CEP128: variants seen among roughly 807,000 people sequenced by gnomAD.
CEP128 encodes the protein centrosomal protein 128kDa.
A neutral mutation model predicts 156.7 loss-of-function variants in CEP128; 132 were observed. That is an observed-to-expected ratio of 0.84 (90% CI 0.73 to 0.97). The LOEUF is 0.97. Among genes scored for constraint, CEP128 ranks in the 50% least tolerant of loss-of-function variants. The probability of loss-of-function intolerance (pLI) is 0.00; values close to 1 mark genes in which losing one functional copy is unlikely to be tolerated. For synonymous variants in CEP128, 469 were observed against 448.9 expected, an observed-to-expected ratio of 1.04 and a Z score of -0.57; for missense variants, 1,252 against 1,281.9, an observed-to-expected ratio of 0.98 and a Z score of 0.36.
At position 80,809,326 on chromosome 14, in the gene CEP128, T is replaced by TG. The variant is rs762431576; in HGVS notation, c.1210-16217_1210-16216insC. 2.8e-4 allele frequency among the ~76,000 whole-genome samples: 43 copies of TG among 151,654 alleles called. 1 individual carries two copies. The highest frequency in any genetic ancestry group is 3.4e-3 in the Middle Eastern group (1 of 294). ...CCTTTAAAATGATTCAATCAGAATT[T>TG]TAAAAAAAAAGAAGAAACAGAGCAG... On this transcript the variant is annotated intron_variant, in intron 13 of 24. Transcript: ENST00000555265.
chr14:80,914,664 G>T (rs1433128376), intron 3 of CEP128, among the ~76,000 whole-genome samples: 1 of 152,082 alleles, frequency 6.6e-6, no homozygotes, highest in Non-Finnish European at 1.5e-5. Context: ...TCCCTAGTAA[G>T]TCAGCAACAA....
At chr14:80,564,936 G>A (rs947594040) in intron 20 of CEP128, among the ~76,000 whole-genome samples, 2 of 152,110 alleles carry the variant, frequency 1.3e-5, no homozygotes. Context: ...GCAGGCACCT[G>A]TAATCCCAGC....
chr14:80,857,455 G>A (rs2077532), intron 9 of CEP128, among the ~76,000 whole-genome samples: 15,475 of 151,804 alleles, frequency 0.1, 1,262 homozygotes, highest in East Asian at 0.44. Context: ...AATTTAGGTC[G>A]GGCGTGGTGG....
At chr14:80,806,685 T>TACA in intron 13 of CEP128, among the ~76,000 whole-genome samples, 1 of 152,320 alleles carries the variant, frequency 6.6e-6, no homozygotes, top group Middle Eastern at 3.4e-3. Flanking sequence ...AACTTGGTTA[T>TACA]ACATTTGCTA....
chr14:80,661,403 C>A (rs1431871469), intron 19 of CEP128, among the ~76,000 whole-genome samples: 1 of 152,144 alleles, frequency 6.6e-6, no homozygotes, highest in East Asian at 1.9e-4. Flanking sequence ...GAGGTCCTGG[C>A]AACCACAGTG....
chr14:80,911,995 G>A (rs1326803200), intron 4 of CEP128, among the ~76,000 whole-genome samples: 1 of 152,168 alleles, frequency 6.6e-6, no homozygotes, highest in Non-Finnish European at 1.5e-5. Context: ...AAGGCAGGCG[G>A]ATCACAAGGT....
rs767631036 is a variant in CEP128, at chr14:80,838,254, G to A, written c.874C>T (p.Arg292Ter). The A allele has an allele frequency of 6.2e-6, 10 of 1,613,038 alleles. No individual in the cohort carries two copies. The highest frequency in any genetic ancestry group is 1.7e-5 in the Admixed American group (1 of 59,958). ...CCTTCTGATTGATTCAATAACCTTC[G>A]AGATAGCTCCAATTCCTGTTCAAGC... ...NQLEQELELS[R>*]RLLNQSEGSR... Residue 292 changes from arginine (R) to a stop codon, truncating the protein, a stop_gained, in exon 11 of 25, where the codon CGA becomes TGA. Coordinates refer to ENST00000555265, the MANE Select transcript of CEP128 (RefSeq NM_152446.5). LOFTEE classifies it high-confidence loss of function.
intron 19 of CEP128, among the ~76,000 whole-genome samples, chr14:80,713,961 C>T (rs1897507775): frequency 6.6e-6 from 1 of 152,052 alleles, no homozygotes; most frequent in Non-Finnish European, 1.5e-5. Context: ...TTTTATTTTT[C>T]AGTATCTAGT....
chr14:80,562,400 G>T (rs1384092522), intron 20 of CEP128, among the ~76,000 whole-genome samples: 1 of 152,088 alleles, frequency 6.6e-6, no homozygotes, highest in South Asian at 2.1e-4. Flanking sequence ...AGCCATTGTA[G>T]TCAATTACTG....
intron 18 of CEP128, among the ~76,000 whole-genome samples, chr14:80,751,631 CTTT>C (rs550491859): frequency 2.2e-5 from 3 of 138,668 alleles, no homozygotes; most frequent in Admixed American, 1.4e-4. Flanking sequence ...GTAAATATGT[CTTT>C]TTTTTTTTTT....
At chr14:80,938,140 C>A (rs1040405698) in intron 2 of CEP128, among the ~76,000 whole-genome samples, 2 of 152,114 alleles carry the variant, frequency 1.3e-5, no homozygotes, top group African/African-American at 4.8e-5. Flanking sequence ...TCAAGCGATC[C>A]TCCTGCCTTG....
At chr14:80,761,732 C>A in intron 16 of CEP128, 119 bp from the exon 17 acceptor site, 1 of 618,914 alleles carries the variant, frequency 1.6e-6, no homozygotes, top group Non-Finnish European at 2.6e-6. Flanking sequence ...TTCCATCAGT[C>A]CCCTTACTTT....
chr14:80,507,703 G>C lies in CEP128; in HGVS notation c.3073-2683C>G, dbSNP rs578195779. On this transcript the variant is annotated intron_variant, in intron 23 of 24. Transcript: ENST00000555265. ...AACTGAGACAGACAGTGAGAGGACA[G>C]GAGTAGAGACACAGGTTTGAGTATC... Among the ~76,000 whole-genome samples, 28 of 152,332 alleles carry C rather than the reference G, an allele frequency of 1.8e-4. No individual in the cohort carries two copies. The South Asian group carries it at 5.4e-3, about 29-fold the overall frequency.
At chr14:80,520,989 A>ATTTT (rs533538115) in intron 23 of CEP128, among the ~76,000 whole-genome samples, 11 of 114,602 alleles carry the variant, frequency 9.6e-5, no homozygotes, top group African/African-American at 3.7e-4. Flanking sequence ...CGCCCAGCTA[A>ATTTT]TTTTTTTTTT....
chr14:80,858,042 C>T (rs1887292768), intron 9 of CEP128, among the ~76,000 whole-genome samples: 1 of 152,162 alleles, frequency 6.6e-6, no homozygotes, highest in Non-Finnish European at 1.5e-5. Context: ...TTGGAAAAAA[C>T]TACTTTAAAG....
In CEP128 at chr14:80,895,799, A is replaced by AAG; in HGVS notation, c.573-10_573-9insCT. 1.4e-6 allele frequency: 1 copy of AAG among 691,414 alleles called. No individual in the cohort carries two copies. The highest frequency in any genetic ancestry group is 1.8e-6 in the Non-Finnish European group (1 of 547,544). 42.8% of individuals were successfully genotyped at this position (691,414 alleles called of 1,614,324 possible). A position where few individuals can be genotyped will look rare whatever the true frequency, so the allele number is the denominator to read the frequency against. On this transcript the variant is annotated splice_polypyrimidine_tract_variant and intron_variant, in intron 7 of 24. Coordinates refer to ENST00000555265, the MANE Select transcript of CEP128 (RefSeq NM_152446.5). ...TTGTTTCGGCATCTGACCTAGGAAG[A>AAG]AAAAAAAAAAAAAGATTTAAATTTG...
intron 22 of CEP128, among the ~76,000 whole-genome samples, chr14:80,528,595 C>A (rs1407136718): frequency 1.3e-5 from 2 of 152,152 alleles, no homozygotes; most frequent in African/African-American, 4.8e-5. Context: ...GCCAACAATT[C>A]TTTCAAAATA....
chr14:80,826,445 C>A (rs1885485332), intron 13 of CEP128, among the ~76,000 whole-genome samples: 1 of 152,186 alleles, frequency 6.6e-6, no homozygotes, highest in South Asian at 2.1e-4. Flanking sequence ...GTCTCTAAGA[C>A]CTTTGGTCTC....
chr14:80,502,024 T>G (rs1251007062), intron 24 of CEP128, among the ~76,000 whole-genome samples: 1 of 152,180 alleles, frequency 6.6e-6, no homozygotes, highest in Non-Finnish European at 1.5e-5. Flanking sequence ...AAGTTGCTCT[T>G]TAATTTGCAT....
Sources: gnomAD v4.1 joint callset for allele counts (sites outside exome capture counted in the v4.1 genomes callset) on GRCh38, gnomAD v4.1.1 for gene constraint, MANE v1.5 for transcripts, NCBI Gene and HGNC (gene_info 2026-07-23, HGNC 2026-07-21) for gene names.